Variants in KCNK2 observed in about 807,000 individuals in gnomAD.
KCNK2 encodes potassium two pore domain channel subfamily K member 2.
KCNK2 carries 21 observed loss-of-function variants against 40.5 expected under a neutral mutation model. That is an observed-to-expected ratio of 0.52 (90% CI 0.37 to 0.75). The LOEUF (loss-of-function observed/expected upper bound fraction) is 0.75, where lower values mean the gene tolerates loss of function less well. Ranked by LOEUF, KCNK2 falls within the 30% of genes least tolerant of loss-of-function variation. The pLI, the probability that KCNK2 is intolerant of heterozygous loss-of-function variation, is 0.00. For missense variants in KCNK2, 399 were observed against 531.6 expected (o/e 0.75, Z 2.45); for synonymous variants, 191 against 202.2 (o/e 0.94, Z 0.47).
Position 215,091,550 on chromosome 1 carries a change from G to A in KCNK2, c.357+4872G>A, listed in dbSNP as rs114086362. Among the ~76,000 whole-genome samples, 1,115 of 152,280 alleles carry A rather than the reference G, an allele frequency of 7.3e-3. 14 individuals are homozygous for A. The highest frequency in any genetic ancestry group is 0.026 in the African/African-American group (1,063 of 41,554). ...ATTCATTCAAAAGCATTTGTTGAATGCCTACTGTGTACATTGTCCTAAGTG... is the reference window on the plus strand; with the variant it reads ...ATTCATTCAAAAGCATTTGTTGAATACCTACTGTGTACATTGTCCTAAGTG... On this transcript the variant is annotated intron_variant, in intron 2 of 6. Coordinates refer to ENST00000444842, the MANE Select transcript of KCNK2 (RefSeq NM_001017425.3).
chr1:215,184,448 T>G (rs1664346335), intron 5 of KCNK2, among the ~76,000 whole-genome samples: 3 of 152,146 alleles, frequency 2.0e-5, no homozygotes, highest in African/African-American at 7.2e-5. Context: ...TCGTATTGTA[T>G]GTGTTTGTAT....
intron 2 of KCNK2, among the ~76,000 whole-genome samples, chr1:215,098,920 CTA>C (rs1660091908): frequency 6.6e-6 from 1 of 151,898 alleles, no homozygotes; most frequent in Admixed American, 6.6e-5. Context: ...ATATTATTCT[CTA>C]TGTGATTTCA....
intron 1 of KCNK2, among the ~76,000 whole-genome samples, chr1:215,016,583 A>T (rs1458697842): frequency 6.6e-6 from 1 of 152,160 alleles, no homozygotes; most frequent in Non-Finnish European, 1.5e-5. Flanking sequence ...CTCTCATCTC[A>T]CATAATATAT....
intron 2 of KCNK2, among the ~76,000 whole-genome samples, chr1:215,095,756 T>C (rs1306425606): frequency 3.3e-5 from 5 of 152,064 alleles, no homozygotes; most frequent in Non-Finnish European, 7.4e-5. Context: ...TGCTGCTGGA[T>C]TGTAAACCCA....
chr1:215,159,316 C>A (rs1184316321), intron 3 of KCNK2, among the ~76,000 whole-genome samples: 2 of 152,098 alleles, frequency 1.3e-5, no homozygotes, highest in Admixed American at 1.3e-4. Flanking sequence ...TACTCCAGGG[C>A]TCTCAACTTC....
chr1:215,006,099 G>A, intron 1 of KCNK2: 2 of 684,408 alleles, frequency 2.9e-6, no homozygotes. Flanking sequence ...GGTTCCAACA[G>A]AGGGTTAGTT....
intron 1 of KCNK2, among the ~76,000 whole-genome samples, chr1:215,070,337 A>G (rs2102514708): frequency 6.7e-6 from 1 of 148,568 alleles, no homozygotes. Flanking sequence ...AATGGCGTGA[A>G]TCTGGGAGGC....
At chr1:215,070,870 C>T (rs984254972) in intron 1 of KCNK2, among the ~76,000 whole-genome samples, 3 of 152,000 alleles carry the variant, frequency 2.0e-5, no homozygotes, top group Admixed American at 6.5e-5. Flanking sequence ...CATGCAATTA[C>T]GATCAAATGT....
chr1:215,171,486 GA>G (rs1278570161), intron 4 of KCNK2, among the ~76,000 whole-genome samples: 2 of 151,986 alleles, frequency 1.3e-5, no homozygotes, highest in Non-Finnish European at 2.9e-5. Context: ...GGAAGTGACA[GA>G]AAAAAACTTT....
intron 6 of KCNK2, among the ~76,000 whole-genome samples, chr1:215,213,312 A>G (rs902591801): frequency 6.6e-6 from 1 of 151,828 alleles, no homozygotes; most frequent in Admixed American, 6.6e-5. Context: ...TAAACTTTAT[A>G]AAAAAATTCT....
At chr1:215,076,218 G>A (rs1040931556) in intron 1 of KCNK2, among the ~76,000 whole-genome samples, 7 of 152,132 alleles carry the variant, frequency 4.6e-5, no homozygotes, top group African/African-American at 1.7e-4. Context: ...TGTGTATCAG[G>A]TCTGAAACTT....
At chr1:215,184,634 T>C (rs1664356000) in intron 5 of KCNK2, among the ~76,000 whole-genome samples, 1 of 152,076 alleles carries the variant, frequency 6.6e-6, no homozygotes, top group Admixed American at 6.5e-5. Flanking sequence ...AGAAGAAGAA[T>C]GAGAACCTTA....
chr1:215,225,565 A>G (rs1417733055), intron 6 of KCNK2, among the ~76,000 whole-genome samples: 1 of 152,214 alleles, frequency 6.6e-6, no homozygotes, highest in Non-Finnish European at 1.5e-5. Flanking sequence ...TATCACCTTT[A>G]TAAGAAAGTT....
intron 1 of KCNK2, among the ~76,000 whole-genome samples, chr1:215,016,077 C>A (rs1423723750): frequency 1.3e-5 from 2 of 152,134 alleles, no homozygotes; most frequent in African/African-American, 2.4e-5. Flanking sequence ...CCCAATGCAA[C>A]AAGCCACATG....
chr1:215,154,965 T>C (rs998535221), intron 3 of KCNK2, among the ~76,000 whole-genome samples: 4 of 152,218 alleles, frequency 2.6e-5, no homozygotes, highest in African/African-American at 9.6e-5. Context: ...AGCACTGTTA[T>C]ATTTTTAGTA....
chr1:215,068,008 A>G (rs1179796502), intron 1 of KCNK2, among the ~76,000 whole-genome samples: 2 of 151,190 alleles, frequency 1.3e-5, no homozygotes, highest in Non-Finnish European at 2.9e-5. Context: ...ATATGTTTCT[A>G]TATGGTCTTC....
At chr1:215,036,489 T>A (rs899500346) in intron 1 of KCNK2, among the ~76,000 whole-genome samples, 4 of 152,114 alleles carry the variant, frequency 2.6e-5, no homozygotes, top group Non-Finnish European at 4.4e-5. Flanking sequence ...TTGTTCTTTT[T>A]TTTTTAACTT....
chr1:215,134,329 C>T (rs1055269971), intron 3 of KCNK2, among the ~76,000 whole-genome samples: 8 of 152,226 alleles, frequency 5.3e-5, no homozygotes, highest in East Asian at 1.9e-4. Flanking sequence ...GTCACAAGTT[C>T]GAGCCTCCCT....
intron 2 of KCNK2, among the ~76,000 whole-genome samples, chr1:215,109,277 CAA>C (rs1660575256): frequency 6.6e-6 from 1 of 152,032 alleles, no homozygotes; most frequent in African/African-American, 2.4e-5. Flanking sequence ...ATTCTGCTGT[CAA>C]ACATTAGAAC....
Sources: gnomAD v4.1 joint callset for allele counts (sites outside exome capture counted in the v4.1 genomes callset) on GRCh38, gnomAD v4.1.1 for gene constraint, MANE v1.5 for transcripts, NCBI Gene and HGNC (gene_info 2026-07-23, HGNC 2026-07-21) for gene names.